Variants in LUZP2 observed in about 807,000 individuals in gnomAD.
The protein encoded by LUZP2 is leucine zipper protein 2.
In LUZP2, 52 loss-of-function variants were observed where a neutral mutation model predicts 51.6. The ratio of observed to expected loss-of-function variants is 1.01; its 90% CI spans 0.81 to 1.27. LUZP2 has a LOEUF of 1.27. Ranked by LOEUF, LUZP2 falls within the 50% of genes most tolerant of loss-of-function variation. The pLI is 0.00. For missense variants in LUZP2, 436 were observed against 395.4 expected (o/e 1.10, Z -0.87); for synonymous variants, 154 against 137.3 (o/e 1.12, Z -0.85).
intron 5 of LUZP2, among the ~76,000 whole-genome samples, chr11:24,774,010 G>A (rs1435178744): frequency 6.6e-6 from 1 of 151,996 alleles, no homozygotes; most frequent in Non-Finnish European, 1.5e-5. Flanking sequence ...GATCCTGGGT[G>A]TGTCTGCGAG....
rs150581786 is a variant in LUZP2, at chr11:24,984,095, A to C, written c.765+802A>C. ...TTGTTTTGGGCAGTATGTTGGAAAGATCTAGTTCTCTGATCACTTGTCTGA... is the reference window on the plus strand; with the variant it reads ...TTGTTTTGGGCAGTATGTTGGAAAGCTCTAGTTCTCTGATCACTTGTCTGA... On this transcript the variant is annotated intron_variant, in intron 9 of 11. Transcript: ENST00000336930. Among the ~76,000 whole-genome samples the C allele has an allele frequency of 1.8e-3, 272 of 151,820 alleles. 2 individuals are homozygous for C. The highest frequency in any genetic ancestry group is 6.2e-3 in the African/African-American group (259 of 41,488).
At chr11:24,777,862 C>T (rs1253075995) in intron 5 of LUZP2, among the ~76,000 whole-genome samples, 1 of 151,866 alleles carries the variant, frequency 6.6e-6, no homozygotes, top group Non-Finnish European at 1.5e-5. Context: ...CCCGTTAATA[C>T]ATTTTAAAGT....
At chr11:24,927,868 A>T (rs1242393246) in intron 7 of LUZP2, among the ~76,000 whole-genome samples, 1 of 152,056 alleles carries the variant, frequency 6.6e-6, no homozygotes, top group Non-Finnish European at 1.5e-5. Context: ...CCCATCCATG[A>T]GCATGGGATG....
chr11:24,607,463 A>C (rs1031733917), intron 1 of LUZP2, among the ~76,000 whole-genome samples: 1 of 149,624 alleles, frequency 6.7e-6, no homozygotes, highest in Non-Finnish European at 1.5e-5. Context: ...AATTAAACAT[A>C]TATGCATGGC....
intron 5 of LUZP2, among the ~76,000 whole-genome samples, chr11:24,772,603 G>A (rs1237672929): frequency 6.6e-6 from 1 of 152,132 alleles, no homozygotes; most frequent in East Asian, 1.9e-4. Context: ...AGCATGTGAA[G>A]CTCCCTATAA....
chr11:24,734,832 T>A (rs942164450), intron 3 of LUZP2, among the ~76,000 whole-genome samples: 1 of 151,864 alleles, frequency 6.6e-6, no homozygotes, highest in African/African-American at 2.4e-5. Flanking sequence ...AAGAGTGCAG[T>A]GTGCTTGCCA....
At chr11:25,029,327 C>T (rs531023625) in intron 9 of LUZP2, among the ~76,000 whole-genome samples, 4 of 152,184 alleles carry the variant, frequency 2.6e-5, no homozygotes, top group East Asian at 1.9e-4. Flanking sequence ...ATCAAAACAT[C>T]TCATGTACTC....
At chr11:24,867,667 C>A (rs1226131824) in intron 5 of LUZP2, among the ~76,000 whole-genome samples, 4 of 152,042 alleles carry the variant, frequency 2.6e-5, no homozygotes, top group Non-Finnish European at 5.9e-5. Context: ...CTTGTGTTTG[C>A]TTGTCAAGGA....
intron 7 of LUZP2, among the ~76,000 whole-genome samples, chr11:24,939,023 C>G (rs1422445477): frequency 6.6e-6 from 1 of 151,988 alleles, no homozygotes; most frequent in East Asian, 1.9e-4. Flanking sequence ...ATTGGAAGGC[C>G]TAGCAATCTG....
At position 24,879,386 on chromosome 11, in the gene LUZP2, C is replaced by A. The variant is rs187398572; in HGVS notation, c.397-26605C>A. On this transcript the variant is annotated intron_variant, in intron 5 of 11. Coordinates refer to ENST00000336930, the MANE Select transcript of LUZP2 (RefSeq NM_001009909.4). Reference sequence around the variant, plus strand: ...CAGTGCTGCAATAAATATGCATGTACGTATGTCTTTAGAGTAGAATGATTT... The same window carrying A: ...CAGTGCTGCAATAAATATGCATGTAAGTATGTCTTTAGAGTAGAATGATTT... Among the ~76,000 whole-genome samples the A allele has an allele frequency of 4.6e-5, 7 of 152,144 alleles. No homozygotes were observed. In the East Asian group the frequency reaches 1.4e-3, roughly 29 times the overall value.
At chr11:24,627,375 T>C (rs76453503) in intron 1 of LUZP2, among the ~76,000 whole-genome samples, 480 of 152,312 alleles carry the variant, frequency 3.2e-3, no homozygotes, top group Non-Finnish European at 5.3e-3. Flanking sequence ...GAAATGTCAG[T>C]GCTCATTCAG....
chr11:25,042,717 T>C (rs1333447116), intron 9 of LUZP2, among the ~76,000 whole-genome samples: 4 of 152,150 alleles, frequency 2.6e-5, no homozygotes, highest in African/African-American at 7.2e-5. Context: ...CTTCTGGTAG[T>C]TGTCTGGGGA....
At chr11:24,795,563 G>A (rs1849523422) in intron 5 of LUZP2, among the ~76,000 whole-genome samples, 1 of 152,164 alleles carries the variant, frequency 6.6e-6, no homozygotes, top group East Asian at 1.9e-4. Flanking sequence ...AGAAACAAAG[G>A]CCCTGAGAAT....
chr11:24,571,399 G>A (rs1852438621), intron 1 of LUZP2, among the ~76,000 whole-genome samples: 1 of 151,984 alleles, frequency 6.6e-6, no homozygotes, highest in Non-Finnish European at 1.5e-5. Flanking sequence ...CCTAGGAAAA[G>A]GATGTACATA....
intron 9 of LUZP2, among the ~76,000 whole-genome samples, chr11:24,990,118 T>C (rs2133924586): frequency 6.6e-6 from 1 of 152,188 alleles, no homozygotes; most frequent in Admixed American, 6.6e-5. Context: ...CTGACAATGC[T>C]AGCAAAATTA....
intron 9 of LUZP2, among the ~76,000 whole-genome samples, chr11:25,012,991 G>A (rs1417174932): frequency 6.6e-6 from 1 of 152,144 alleles, no homozygotes; most frequent in Non-Finnish European, 1.5e-5. Flanking sequence ...CAATGGATGA[G>A]TGGATCAAGA....
intron 4 of LUZP2, among the ~76,000 whole-genome samples, chr11:24,741,383 G>A (rs575328736): frequency 6.6e-6 from 1 of 152,008 alleles, no homozygotes; most frequent in East Asian, 1.9e-4. Flanking sequence ...CTTAAATGCA[G>A]ACTATTTCTT....
chr11:25,037,682 C>T (rs1196989040), intron 9 of LUZP2, among the ~76,000 whole-genome samples: 1 of 152,014 alleles, frequency 6.6e-6, no homozygotes, highest in Admixed American at 6.6e-5. Flanking sequence ...TCACATGCTT[C>T]TCTGAGAAAG....
In LUZP2 at chr11:24,658,715, A is replaced by G. The variant is rs1429669582; in HGVS notation, c.63-70454A>G. Among the ~76,000 whole-genome samples, 5 of 152,350 alleles carry G rather than the reference A, an allele frequency of 3.3e-5. No homozygotes were observed. The South Asian group carries it at 6.2e-4, about 19-fold the overall frequency. Reference sequence around the variant, plus strand: ...ATATCCAGAATCTACAATGAACTCAAACAAATTTACAAGAAAAAAACAACC... The same window carrying G: ...ATATCCAGAATCTACAATGAACTCAGACAAATTTACAAGAAAAAAACAACC... On this transcript the variant is annotated intron_variant, in intron 1 of 11. Transcript: ENST00000336930.
Sources: allele counts gnomAD v4.1 joint callset (sites outside exome capture counted in the v4.1 genomes callset), GRCh38; gene constraint gnomAD v4.1.1; transcripts MANE v1.5; gene names NCBI Gene and HGNC (gene_info 2026-07-23, HGNC 2026-07-21).